Variants in IMMP2L observed in about 807,000 individuals in gnomAD.
IMMP2L encodes the protein mitochondrial inner membrane protease subunit 2.
A neutral mutation model predicts 19.3 loss-of-function variants in IMMP2L; 18 were observed. The observed-to-expected ratio is 0.93, with a 90% CI of 0.64 to 1.38. The LOEUF (loss-of-function observed/expected upper bound fraction) is 1.38. Among genes scored for constraint, IMMP2L ranks in the 40% most tolerant of loss-of-function variants. The pLI, the probability that IMMP2L is intolerant of heterozygous loss-of-function variation, is 0.00. For synonymous variants in IMMP2L, 76 were observed against 73.0 expected (o/e 1.04, Z -0.21); for missense variants, 233 against 218.2 (o/e 1.07, Z -0.43).
intron 3 of IMMP2L, among the ~76,000 whole-genome samples, chr7:111,258,234 A>G (rs1816939746): frequency 6.6e-6 from 1 of 152,136 alleles, no homozygotes; most frequent in Admixed American, 6.6e-5. Context: ...AGATATTTGG[A>G]GCAATACATT....
At chr7:111,526,890 T>C (rs928506286) in intron 1 of IMMP2L, among the ~76,000 whole-genome samples, 1 of 152,176 alleles carries the variant, frequency 6.6e-6, no homozygotes, top group African/African-American at 2.4e-5. Context: ...GCCACAGCTA[T>C]CTTAGTTATA....
chr7:111,470,045 C>T (rs1436830064), intron 3 of IMMP2L, among the ~76,000 whole-genome samples: 1 of 151,988 alleles, frequency 6.6e-6, no homozygotes, highest in African/African-American at 2.4e-5. Flanking sequence ...ATAAACAACC[C>T]CATCAAAAAG....
chr7:111,449,033 C>T (rs993580355), intron 3 of IMMP2L, among the ~76,000 whole-genome samples: 7 of 151,406 alleles, frequency 4.6e-5, no homozygotes, highest in African/African-American at 1.7e-4. Context: ...TCTGAATAGA[C>T]CAATAACAGG....
chr7:110,691,162 C>T (rs935107038), intron 5 of IMMP2L, among the ~76,000 whole-genome samples: 1 of 151,974 alleles, frequency 6.6e-6, no homozygotes, highest in Non-Finnish European at 1.5e-5. Context: ...AGAAATAAAG[C>T]CAAATGCACC....
At chr7:111,187,137 A>G (rs1808357960) in intron 3 of IMMP2L, among the ~76,000 whole-genome samples, 1 of 152,146 alleles carries the variant, frequency 6.6e-6, no homozygotes, top group African/African-American at 2.4e-5. Flanking sequence ...GCAAACATAC[A>G]GTGTGTGTTG....
At chr7:110,670,583 G>A (rs540517351) in intron 5 of IMMP2L, among the ~76,000 whole-genome samples, 32 of 151,594 alleles carry the variant, frequency 2.1e-4, no homozygotes, top group Non-Finnish European at 2.9e-4. Context: ...CCAGCTACTC[G>A]CCAGGCTGAG....
chr7:111,389,384 T>G (rs1832110553), intron 3 of IMMP2L, among the ~76,000 whole-genome samples: 1 of 152,140 alleles, frequency 6.6e-6, no homozygotes, highest in Non-Finnish European at 1.5e-5. Flanking sequence ...GAATTGAATC[T>G]GTGTAATAGA....
chr7:111,387,975 TA>T lies in IMMP2L; in HGVS notation c.239+99262del, dbSNP rs750267136. Among the ~76,000 whole-genome samples the T allele has an allele frequency of 4.9e-3, 461 of 93,426 alleles. 2 individuals are homozygous for T. Among genetic ancestry groups the T allele is most frequent in the African/African-American group, 0.014 (302 of 21,824 alleles). The allele number at this position is 93,426 out of a possible 152,430, so 61.3% of individuals were successfully genotyped here. A position where few individuals can be genotyped will look rare whatever the true frequency, so the allele number is the denominator to read the frequency against. On this transcript the variant is annotated intron_variant, in intron 3 of 5. Coordinates refer to ENST00000405709, the MANE Select transcript of IMMP2L (RefSeq NM_032549.4). ...TGGAGACAGAGCAAGACTCTGTCTTTAAAAAAAAAAAAAAAAAAAAAAAACT... is the reference window on the plus strand; with the variant it reads ...TGGAGACAGAGCAAGACTCTGTCTTTAAAAAAAAAAAAAAAAAAAAAAACT...
intron 3 of IMMP2L, among the ~76,000 whole-genome samples, chr7:110,976,241 G>A (rs2129557303): frequency 6.6e-6 from 1 of 151,936 alleles, no homozygotes; most frequent in Non-Finnish European, 1.5e-5. Context: ...TCCCAAGTCA[G>A]TTACCTGCAC....
chr7:111,370,552 C>T (rs1039263966), intron 3 of IMMP2L, among the ~76,000 whole-genome samples: 2 of 151,894 alleles, frequency 1.3e-5, no homozygotes, highest in Non-Finnish European at 2.9e-5. Context: ...TTGACATAGA[C>T]GTTAAAAATA....
At chr7:111,522,203 G>A (rs199523339) in intron 1 of IMMP2L, among the ~76,000 whole-genome samples, 19 of 151,998 alleles carry the variant, frequency 1.3e-4, no homozygotes, top group South Asian at 4.2e-4. Context: ...TGTTGTTGTC[G>A]TTGTTGTTTT....
In IMMP2L at chr7:111,123,755, A is replaced by T. The variant is rs139637326; in HGVS notation, c.240-160190T>A. On this transcript the variant is annotated intron_variant, in intron 3 of 5. Transcript: ENST00000405709. This position sits in a 1 kb window ranked among gnomAD's most constrained non-coding sequence, Gnocchi z 6.4. ...CCTAGATTGTCTTACATTCACCCCA[A>T]TGCATTTTTCAGACTCCCCAAGCTG... 6.2e-7 allele frequency: 1 copy of T among 1,613,940 alleles called. No individual in the cohort carries two copies. The highest frequency in any genetic ancestry group is 2.2e-5 in the East Asian group (1 of 44,864).
At chr7:111,171,521 T>C (rs1478141781) in intron 3 of IMMP2L, among the ~76,000 whole-genome samples, 1 of 151,602 alleles carries the variant, frequency 6.6e-6, no homozygotes, top group Non-Finnish European at 1.5e-5. Flanking sequence ...CTCACCTCCA[T>C]GATCAAATTT....
chr7:111,331,710 T>A lies in IMMP2L; in HGVS notation c.239+155528A>T, dbSNP rs538859103. Among the ~76,000 whole-genome samples, 399 of 152,008 alleles carry A rather than the reference T, an allele frequency of 2.6e-3. 3 individuals carry two copies. The highest frequency in any genetic ancestry group is 9.4e-3 in the African/African-American group (391 of 41,522). The stretch of plus-strand genomic sequence containing the variant: ...TTATAAATTATCAATTTACAATTTT[T>A]AAAAAGATTCAAAGCAAGATACCAA... On this transcript the variant is annotated intron_variant, in intron 3 of 5. Coordinates refer to ENST00000405709, the MANE Select transcript of IMMP2L (RefSeq NM_032549.4).
At chr7:110,821,199 T>C (rs1802996608) in intron 5 of IMMP2L, among the ~76,000 whole-genome samples, 1 of 152,062 alleles carries the variant, frequency 6.6e-6, no homozygotes, top group Admixed American at 6.6e-5. Context: ...TTCTGTCTTA[T>C]AAAAAAGGTT....
intron 3 of IMMP2L, among the ~76,000 whole-genome samples, chr7:111,350,881 T>C (rs576208901): frequency 6.8e-4 from 104 of 152,318 alleles, no homozygotes; most frequent in Middle Eastern, 6.8e-3. Flanking sequence ...CCGTGAATAC[T>C]GTAATTGTTG....
intron 2 of IMMP2L, among the ~76,000 whole-genome samples, chr7:111,501,846 C>T (rs1173560399): frequency 6.6e-6 from 1 of 152,100 alleles, no homozygotes; most frequent in Non-Finnish European, 1.5e-5. Flanking sequence ...AAAGGAACAA[C>T]CGGTACCAGC....
intron 4 of IMMP2L, among the ~76,000 whole-genome samples, chr7:110,890,037 A>C (rs1017695632): frequency 7.9e-5 from 12 of 152,146 alleles, no homozygotes; most frequent in African/African-American, 2.9e-4. Flanking sequence ...TTCATTTTAT[A>C]AGTCAGAATG....
At chr7:111,491,680 G>T (rs939472122) in intron 2 of IMMP2L, among the ~76,000 whole-genome samples, 4 of 151,884 alleles carry the variant, frequency 2.6e-5, no homozygotes, top group Non-Finnish European at 5.9e-5. Context: ...CTTTCACAAG[G>T]GTATGCTCTC....
Sources: gnomAD v4.1 joint callset for allele counts (sites outside exome capture counted in the v4.1 genomes callset) on GRCh38, gnomAD v4.1.1 for gene constraint, Gnocchi (gnomAD v3.1) non-coding constraint, MANE v1.5 for transcripts, NCBI Gene and HGNC (gene_info 2026-07-23, HGNC 2026-07-21) for gene names.